AAK1: variants seen among roughly 807,000 people sequenced by gnomAD.
The protein encoded by AAK1 is AP2-associated protein kinase 1.
Under a neutral mutation model 116.0 loss-of-function variants are expected in AAK1, and 37 were observed. That is an observed-to-expected ratio of 0.32 (90% CI 0.25 to 0.42). The LOEUF (loss-of-function observed/expected upper bound fraction) is 0.42, where lower values mean the gene tolerates loss of function less well. Among genes scored for constraint, AAK1 ranks in the 10% least tolerant of loss-of-function variants. AAK1 has a pLI of 1.00. For missense variants in AAK1, 919 were observed against 1,170.6 expected, an observed-to-expected ratio of 0.79 and a Z score of 3.14; for synonymous variants, 458 against 439.9, an observed-to-expected ratio of 1.04 and a Z score of -0.51.
intron 5 of AAK1, among the ~76,000 whole-genome samples, chr2:69,540,238 C>G (rs1047998416): frequency 6.6e-6 from 1 of 151,670 alleles, no homozygotes; most frequent in Admixed American, 6.6e-5. Context: ...TCTCCTGCCT[C>G]AGCCGCCTAA....
intron 2 of AAK1, among the ~76,000 whole-genome samples, chr2:69,558,195 T>C (rs1671469489): frequency 6.6e-6 from 1 of 151,836 alleles, no homozygotes; most frequent in Admixed American, 6.6e-5. Context: ...ATACAAAAAT[T>C]AGCGAGGCAT....
chr2:69,531,799 G>A, intron 6 of AAK1: 6 of 1,217,114 alleles, frequency 4.9e-6, no homozygotes, highest in Non-Finnish European at 6.3e-6. Context: ...TATGTACAAT[G>A]ACCACAGGAC....
At chr2:69,494,093 TCAGAAAGTAAATAATA>T (rs772946869) in intron 17 of AAK1, among the ~76,000 whole-genome samples, 2 of 152,018 alleles carry the variant, frequency 1.3e-5, no homozygotes, top group Non-Finnish European at 2.9e-5. Flanking sequence ...GTCTGACAGA[TCAGAAAGTAAATAATA>T]CACTCCTGCA....
At chr2:69,586,519 C>T (rs1672772105) in intron 2 of AAK1, among the ~76,000 whole-genome samples, 2 of 152,192 alleles carry the variant, frequency 1.3e-5, no homozygotes, top group Non-Finnish European at 2.9e-5. Context: ...TCTGCATTAA[C>T]CAGCTATGTG....
At chr2:69,591,689 GCCT>G (rs931068147) in intron 2 of AAK1, among the ~76,000 whole-genome samples, 1 of 151,806 alleles carries the variant, frequency 6.6e-6, no homozygotes, top group Non-Finnish European at 1.5e-5. Flanking sequence ...TCCTGCCTCA[GCCT>G]CCTGAGTAGC....
chr2:69,513,526 C>T (rs1175899883), intron 13 of AAK1, among the ~76,000 whole-genome samples: 3 of 152,052 alleles, frequency 2.0e-5, no homozygotes, highest in East Asian at 3.9e-4. Flanking sequence ...GGTTTCACCA[C>T]GTTAGCCAGG....
chr2:69,503,554 C>T (rs1676059062), intron 16 of AAK1, among the ~76,000 whole-genome samples: 2 of 152,176 alleles, frequency 1.3e-5, no homozygotes, highest in Admixed American at 1.3e-4. Context: ...GGATCTCACG[C>T]TGTTGCCCAG....
In AAK1 at chr2:69,643,678, C is replaced by T. The variant is rs954157705; in HGVS notation, c.-338G>A. ...AGAAGAGGCGGCGCTGCAGCGAGAG[C>T]CGGGGCCGCGCTCGGCTCCCGCCCG... On this transcript the variant is annotated 5_prime_UTR_variant, in exon 1 of 22. Coordinates refer to ENST00000409085, the MANE Select transcript of AAK1 (RefSeq NM_014911.5). 57 of 1,223,524 alleles carry T rather than the reference C, an allele frequency of 4.7e-5. No individual in the cohort carries two copies. In the African/African-American group the frequency reaches 8.9e-4, roughly 19 times the overall value. 75.8% of individuals were successfully genotyped at this position (1,223,524 alleles called of 1,614,324 possible). A position where few individuals can be genotyped will look rare whatever the true frequency, so the allele number is the denominator to read the frequency against.
At chr2:69,536,918 CT>C (rs1670497828) in intron 5 of AAK1, among the ~76,000 whole-genome samples, 1 of 152,250 alleles carries the variant, frequency 6.6e-6, no homozygotes, top group African/African-American at 2.4e-5. Flanking sequence ...ATCAAAATCT[CT>C]ATTCTAACAA....
At chr2:69,587,802 G>GTTTTT (rs1672855720) in intron 2 of AAK1, among the ~76,000 whole-genome samples, 1 of 152,016 alleles carries the variant, frequency 6.6e-6, no homozygotes, top group East Asian at 1.9e-4. Context: ...TGTAGAGACA[G>GTTTTT]AGTTTTACTA....
chr2:69,491,115 T>A (rs200489913), intron 17 of AAK1, among the ~76,000 whole-genome samples: 10 of 138,016 alleles, frequency 7.2e-5, no homozygotes, highest in South Asian at 2.3e-4. Context: ...TAAAAAAAAA[T>A]TTTTTTTTTT....
In AAK1 at chr2:69,519,191, G is replaced by T. The variant is rs112244086; in HGVS notation, c.1260C>A (p.Pro420=). 1.6e-4 allele frequency: 261 copies of T among 1,588,860 alleles called. No individual in the cohort carries two copies. In the African/African-American group the frequency reaches 3.1e-3, roughly 19 times the overall value. ...GCAGAGGCTGGCTGGGTGGGGCTTG[G>T]GGTTTTGGTTGGGGAACACTGGCTA... ...GLLASVPQPK[P]QAPPSQPLPQ... The change falls in exon 12 of 22, where the codon CCC becomes CCA. Residue 420 remains proline, a synonymous_variant. Coordinates refer to ENST00000409085, the MANE Select transcript of AAK1 (RefSeq NM_014911.5).
chr2:69,628,284 C>CTT (rs11441868), intron 2 of AAK1, among the ~76,000 whole-genome samples: 4,743 of 146,184 alleles, frequency 0.032, 246 homozygotes, highest in African/African-American at 0.11. Context: ...TGTTTCTTTT[C>CTT]TTTTTTTTTT....
intron 5 of AAK1, among the ~76,000 whole-genome samples, chr2:69,535,596 C>A (rs555951890): frequency 6.6e-6 from 1 of 151,908 alleles, no homozygotes; most frequent in African/African-American, 2.4e-5. Context: ...ATAGTATAGT[C>A]GGGGAAGGTC....
chr2:69,500,696 T>TATATATATATATATATAC (rs1553410395), intron 16 of AAK1, among the ~76,000 whole-genome samples: 9 of 99,392 alleles, frequency 9.1e-5, no homozygotes, highest in Non-Finnish European at 1.5e-4. Context: ...TATATATATA[T>TATATATATATATATATAC]ATACACACAC....
intron 16 of AAK1, among the ~76,000 whole-genome samples, chr2:69,501,460 C>T (rs1192866952): frequency 6.6e-6 from 1 of 151,870 alleles, no homozygotes; most frequent in South Asian, 2.1e-4. Flanking sequence ...AAGGTTGAAG[C>T]GAGGCAACTG....
chr2:69,572,879 G>A (rs1262120623), intron 2 of AAK1, among the ~76,000 whole-genome samples: 2 of 152,068 alleles, frequency 1.3e-5, no homozygotes, highest in Non-Finnish European at 2.9e-5. Flanking sequence ...AGTGAGAGCT[G>A]GGTAATAGGA....
intron 2 of AAK1, among the ~76,000 whole-genome samples, chr2:69,617,700 A>G (rs1003567999): frequency 6.6e-6 from 1 of 152,188 alleles, no homozygotes; most frequent in Non-Finnish European, 1.5e-5. Context: ...ACAACTAATC[A>G]CATGTAAAAG....
At chr2:69,569,444 T>C (rs1030569517) in intron 2 of AAK1, among the ~76,000 whole-genome samples, 2 of 152,220 alleles carry the variant, frequency 1.3e-5, no homozygotes, top group Admixed American at 1.3e-4. Context: ...TACTTCAGCA[T>C]ACATATCTTT....
Sources: allele counts gnomAD v4.1 joint callset (sites outside exome capture counted in the v4.1 genomes callset), GRCh38; gene constraint gnomAD v4.1.1; transcripts MANE v1.5; gene names NCBI Gene and HGNC (gene_info 2026-07-23, HGNC 2026-07-21).